The following PRKD1 variants were observed in gnomAD, a reference collection of about 807,000 sequenced individuals.
PRKD1 encodes the protein protein kinase D1.
Under a neutral mutation model 95.9 loss-of-function variants are expected in PRKD1, and 63 were observed. The ratio of observed to expected loss-of-function variants is 0.66; its 90% CI spans 0.54 to 0.81. The LOEUF is 0.81. PRKD1 is among the 30% of genes least tolerant of loss of function. The probability of loss-of-function intolerance (pLI) is 0.00; values close to 1 mark genes in which losing one functional copy is unlikely to be tolerated. For missense variants in PRKD1, 1,048 were observed against 1,165.3 expected, an observed-to-expected ratio of 0.90 and a Z score of 1.47; for synonymous variants, 425 against 423.1, an observed-to-expected ratio of 1.00 and a Z score of -0.05.
At chr14:29,783,655 G>A (rs961372237) in intron 1 of PRKD1, among the ~76,000 whole-genome samples, 85 of 151,992 alleles carry the variant, frequency 5.6e-4, no homozygotes, top group African/African-American at 1.9e-3. Context: ...TTCCTTGCCA[G>A]CACGCTATTT....
At chr14:29,816,742 T>C (rs977101520) in intron 1 of PRKD1, among the ~76,000 whole-genome samples, 29 of 152,182 alleles carry the variant, frequency 1.9e-4, no homozygotes, top group African/African-American at 7.0e-4. Context: ...TTTCAATGGA[T>C]TGTAAAAGCT....
At chr14:29,578,129 C>A in intron 17 of PRKD1, 146 bp downstream of exon 17, 2 of 665,696 alleles carry the variant, frequency 3.0e-6, no homozygotes, top group South Asian at 1.9e-5. Flanking sequence ...GTTATTAAAT[C>A]CTATGAAGTT....
intron 1 of PRKD1, among the ~76,000 whole-genome samples, chr14:29,886,501 T>C (rs1893711236): frequency 6.6e-6 from 1 of 152,230 alleles, no homozygotes. Flanking sequence ...TCTACTAAAC[T>C]GGTGGCAATG....
chr14:29,927,435 T>A lies in PRKD1; in HGVS notation c.78A>T (p.Ala26=). Residue 26 remains alanine (A), a synonymous_variant, in exon 1 of 18, where the codon GCA becomes GCT. Coordinates refer to ENST00000331968, the MANE Select transcript of PRKD1 (RefSeq NM_002742.3). ...GCCCGGGCCCGGACCCTGGGACCAGTGCGGCGGCCGCTGCGGCAGCTGCCG... is the reference window on the plus strand; with the variant it reads ...GCCCGGGCCCGGACCCTGGGACCAGAGCGGCGGCCGCTGCGGCAGCTGCCG... The part of the protein sequence containing the change: ...VAAAAAAAAA[A]LVPGSGPGPA... 1 of 1,340,700 alleles carries A rather than the reference T, an allele frequency of 7.5e-7. No individual in the cohort carries two copies. The highest frequency in any genetic ancestry group is 9.6e-7 in the Non-Finnish European group (1 of 1,045,054). The allele number at this position is 1,340,700 out of a possible 1,614,324, so 83.1% of individuals were successfully genotyped here. A position where few individuals can be genotyped will look rare whatever the true frequency, so the allele number is the denominator to read the frequency against.
At position 29,577,249 on chromosome 14, in the gene PRKD1, T is replaced by A. The variant is rs765211955; in HGVS notation, c.2728A>T (p.Ser910Cys). 2 of 1,612,566 alleles carry A rather than the reference T, an allele frequency of 1.2e-6. No homozygotes were observed. ...TEMKALGERVSIL is the reference protein window; with the variant it reads ...TEMKALGERVCIL ...ATAGGAGATGGAACTCAGAGGATGC[T>A]GACACGCTCACCGAGGGCTTTCATT... The change falls in exon 18 of 18, where the codon AGC (serine) becomes TGC (cysteine). Residue 910 changes from serine (S) to cysteine (C), a missense_variant. By Grantham distance (112) the Ser-to-Cys change is moderately radical (BLOSUM62 -1). Transcript: ENST00000331968.
rs535817315 is a variant in PRKD1 at position 29,877,516 on chromosome 14, G to A, written c.264+49733C>T. Reference sequence around the variant, plus strand: ...AATTAGATCCCACCTATCAATGTTTGCTTTTGTTGTGATTGCTGCTGGCAT... The same window carrying A: ...AATTAGATCCCACCTATCAATGTTTACTTTTGTTGTGATTGCTGCTGGCAT... On this transcript the variant is annotated intron_variant, in intron 1 of 17. Transcript: ENST00000331968. 2.0e-5 allele frequency among the ~76,000 whole-genome samples: 3 copies of A among 152,284 alleles called. No individual in the cohort carries two copies. The South Asian group carries it at 6.2e-4, about 32-fold the overall frequency.
intron 1 of PRKD1, among the ~76,000 whole-genome samples, chr14:29,762,471 G>A (rs1888041695): frequency 6.6e-6 from 1 of 151,686 alleles, no homozygotes; most frequent in Non-Finnish European, 1.5e-5. Flanking sequence ...GCTCTGCTCT[G>A]AAGGTATTAG....
intron 1 of PRKD1, among the ~76,000 whole-genome samples, chr14:29,891,445 G>A (rs1050277165): frequency 2.0e-5 from 3 of 152,152 alleles, no homozygotes; most frequent in African/African-American, 7.2e-5. Flanking sequence ...ATGCACGCAT[G>A]CACTATGTCA....
chr14:29,720,084 C>T (rs754208928), intron 2 of PRKD1, among the ~76,000 whole-genome samples: 6 of 152,148 alleles, frequency 3.9e-5, no homozygotes, highest in African/African-American at 7.2e-5. Flanking sequence ...AATAAGCATA[C>T]GCATCACATT....
intron 2 of PRKD1, among the ~76,000 whole-genome samples, chr14:29,709,965 AT>A (rs1435794731): frequency 2.0e-5 from 3 of 152,210 alleles, no homozygotes; most frequent in Non-Finnish European, 2.9e-5. Context: ...CCAGTTGGTT[AT>A]ACTGATATTC....
In PRKD1 at chr14:29,810,351, A is replaced by C. The variant is rs561470069; in HGVS notation, c.265-84677T>G. Among the ~76,000 whole-genome samples, 62 of 152,326 alleles carry C rather than the reference A, an allele frequency of 4.1e-4. 1 individual carries two copies. The South Asian group carries it at 0.012, about 31-fold the overall frequency. On this transcript the variant is annotated intron_variant, in intron 1 of 17. Transcript: ENST00000331968. ...ATCTGCAAAGCACAATCAAGTGAAC[A>C]GCAATATAAAGACGTGTGCCTGTAT...
chr14:29,695,890 T>G (rs1405667720), intron 2 of PRKD1, among the ~76,000 whole-genome samples: 4 of 152,148 alleles, frequency 2.6e-5, no homozygotes, highest in Non-Finnish European at 5.9e-5. Flanking sequence ...TGGAAATATC[T>G]GGAATGTCAG....
chr14:29,627,723 A>T (rs959001517), intron 11 of PRKD1, among the ~76,000 whole-genome samples: 1 of 152,042 alleles, frequency 6.6e-6, no homozygotes, highest in Non-Finnish European at 1.5e-5. Context: ...TTAATATCAA[A>T]TCCCACCCTC....
chr14:29,609,164 G>A (rs917037489), intron 13 of PRKD1, among the ~76,000 whole-genome samples: 1 of 152,090 alleles, frequency 6.6e-6, no homozygotes, highest in Non-Finnish European at 1.5e-5. Flanking sequence ...TGGAACTAGA[G>A]TATAATTATA....
At chr14:29,649,566 T>C (rs1400352201) in intron 4 of PRKD1, among the ~76,000 whole-genome samples, 1 of 152,178 alleles carries the variant, frequency 6.6e-6, no homozygotes, top group Non-Finnish European at 1.5e-5. Flanking sequence ...TATTTAGCTA[T>C]GAGTTAATAA....
At chr14:29,876,366 G>C (rs749845635) in intron 1 of PRKD1, among the ~76,000 whole-genome samples, 1 of 152,150 alleles carries the variant, frequency 6.6e-6, no homozygotes, top group Non-Finnish European at 1.5e-5. Flanking sequence ...GGAGTATAAA[G>C]GAATTTTGGA....
intron 2 of PRKD1, among the ~76,000 whole-genome samples, chr14:29,713,233 G>A (rs1566555709): frequency 2.6e-5 from 4 of 152,102 alleles, no homozygotes; most frequent in Non-Finnish European, 5.9e-5. Flanking sequence ...TAGTAAAAAA[G>A]AGCATCTATC....
chr14:29,756,565 C>A (rs952345315), intron 1 of PRKD1, among the ~76,000 whole-genome samples: 1 of 152,192 alleles, frequency 6.6e-6, no homozygotes, highest in African/African-American at 2.4e-5. Flanking sequence ...CAAGACAAAA[C>A]TCCCACCAGA....
chr14:29,882,871 GT>G (rs1893562587), intron 1 of PRKD1, among the ~76,000 whole-genome samples: 1 of 152,178 alleles, frequency 6.6e-6, no homozygotes, highest in African/African-American at 2.4e-5. Context: ...GTGTGTGTGT[GT>G]GTGCACGTGT....
Sources: gnomAD v4.1 joint callset for allele counts (sites outside exome capture counted in the v4.1 genomes callset) on GRCh38, gnomAD v4.1.1 for gene constraint, MANE v1.5 for transcripts, NCBI Gene and HGNC (gene_info 2026-07-23, HGNC 2026-07-21) for gene names.